PLOD1: variants seen among roughly 807,000 people sequenced by gnomAD.
PLOD1 encodes the protein procollagen-lysine,2-oxoglutarate 5-dioxygenase 1.
PLOD1 carries 70 observed loss-of-function variants against 94.7 expected under a neutral mutation model. That is an observed-to-expected ratio of 0.74 (90% CI 0.61 to 0.90). The LOEUF (loss-of-function observed/expected upper bound fraction) is 0.90. PLOD1 is among the 40% of genes least tolerant of loss of function. The pLI is 0.00. For synonymous variants in PLOD1, 417 were observed against 400.2 expected (o/e 1.04, Z -0.50); for missense variants, 905 against 972.7 (o/e 0.93, Z 0.93).
intron 14 of PLOD1, 82 bp downstream of exon 14, chr1:11,965,675 C>A: frequency 1.2e-6 from 1 of 864,868 alleles, no homozygotes; most frequent in Non-Finnish European, 1.9e-6. Flanking sequence ...CTCTCAGAGT[C>A]TTACAACAGC....
At chr1:11,941,776 G>A (rs1033420967) in intron 1 of PLOD1, among the ~76,000 whole-genome samples, 2 of 152,104 alleles carry the variant, frequency 1.3e-5, no homozygotes, top group South Asian at 2.1e-4. Flanking sequence ...GAGCCACCGC[G>A]CCCGGACTAG....
chr1:11,972,645 G>C lies in PLOD1; in HGVS notation c.1903-227G>C. The C allele has an allele frequency of 2.3e-6, 1 of 437,796 alleles. No individual in the cohort carries two copies. The highest frequency in any genetic ancestry group is 4.2e-6 in the Non-Finnish European group (1 of 240,148). The allele number at this position is 437,796 out of a possible 1,614,324, so 27.1% of individuals were successfully genotyped here. A position where few individuals can be genotyped will look rare whatever the true frequency, so the allele number is the denominator to read the frequency against. On this transcript the variant is annotated intron_variant, in intron 17 of 18. Transcript: ENST00000196061. This position sits in a 1 kb window ranked among gnomAD's most constrained non-coding sequence, Gnocchi z 4.6. ...TCCCTTCCTTTCTTCCTTCCCCTCTGTTCTCTTCCTTCCCTCCCTCTCTCC... is the reference window on the plus strand; with the variant it reads ...TCCCTTCCTTTCTTCCTTCCCCTCTCTTCTCTTCCTTCCCTCCCTCTCTCC...
chr1:11,955,005 C>A, intron 6 of PLOD1, 112 bp downstream of exon 6: 3 of 828,612 alleles, frequency 3.6e-6, no homozygotes, highest in South Asian at 1.5e-5. Context: ...GGCCATTGTG[C>A]TGAGAGGTCA....
At chr1:11,954,971 AGGAGAAATG>A in intron 6 of PLOD1, 78 bp downstream of exon 6, 6 of 1,141,338 alleles carry the variant, frequency 5.3e-6, no homozygotes, top group Non-Finnish European at 8.0e-6. Context: ...GAGCCCAGGG[AGGAGAAATG>A]GGCTGCTTCT....
intron 1 of PLOD1, among the ~76,000 whole-genome samples, chr1:11,942,676 G>A (rs193128114): frequency 4.6e-5 from 7 of 152,286 alleles, no homozygotes; most frequent in Non-Finnish European, 8.8e-5. Context: ...GTTGTGAACC[G>A]CCTCCCAGAC....
chr1:11,974,739 G>T lies in PLOD1; in HGVS notation c.2115G>T (p.Thr705=). 1 of 1,613,884 alleles carries T rather than the reference G, an allele frequency of 6.2e-7. No homozygotes were observed. The highest frequency in any genetic ancestry group is 8.5e-7 in the Non-Finnish European group (1 of 1,179,802). The change falls in exon 19 of 19, where the codon ACG becomes ACT. Residue 705 remains threonine, a synonymous_variant. Coordinates refer to ENST00000196061, the MANE Select transcript of PLOD1 (RefSeq NM_000302.4). ...GWTLMHPGRL[T]HYHEGLPTTR... ...CCCTCATGCACCCTGGACGACTCACGCATTACCATGAGGGGCTCCCCACCA... is the reference window on the plus strand; with the variant it reads ...CCCTCATGCACCCTGGACGACTCACTCATTACCATGAGGGGCTCCCCACCA...
chr1:11,970,720 C>T lies in PLOD1; in HGVS notation c.1806C>T (p.His602=), dbSNP rs546775471. ...GYENVPTIDI[H]MNQIGFEREW... ...AGAACGTGCCGACTATTGACATCCA[C>T]ATGAACCAGATCGGCTTTGAGCGGG... Residue 602 remains histidine (H), a synonymous_variant, in exon 17 of 19, where the codon CAC becomes CAT. Transcript: ENST00000196061. The T allele has an allele frequency of 6.2e-7, 1 of 1,612,994 alleles. No individual in the cohort carries two copies. Among genetic ancestry groups the T allele is most frequent in the East Asian group, 2.2e-5 (1 of 44,728 alleles).
At position 11,964,981 on chromosome 1, in the gene PLOD1, G is replaced by A. The variant is rs150192846; in HGVS notation, c.1470+196G>A. 3.5e-3 allele frequency among the ~76,000 whole-genome samples: 527 copies of A among 152,288 alleles called. 3 individuals carry two copies. The highest frequency in any genetic ancestry group is 0.012 in the African/African-American group (502 of 41,566). On this transcript the variant is annotated intron_variant, in intron 13 of 18. Coordinates refer to ENST00000196061, the MANE Select transcript of PLOD1 (RefSeq NM_000302.4). Reference sequence around the variant, plus strand: ...CGTCGGGCACGAGGGCTGGTCCTCAGGGGTCTGCAGGGACCATTTTAGCTG... The same window carrying A: ...CGTCGGGCACGAGGGCTGGTCCTCAAGGGTCTGCAGGGACCATTTTAGCTG...
At chr1:11,943,982 A>C (rs1645632151) in intron 1 of PLOD1, among the ~76,000 whole-genome samples, 1 of 152,154 alleles carries the variant, frequency 6.6e-6, no homozygotes, top group Non-Finnish European at 1.5e-5. Flanking sequence ...CCTGTAATCC[A>C]GCACTTTGGG....
rs1281597059 is a variant in PLOD1 at position 11,958,355 on chromosome 1, C to T, written c.844-161C>T. Reference sequence around the variant, plus strand: ...GGGCACCCTCCTGCTGCTTCCCTGCCCCCCCGTACCCCCTGACTGGAGTTC... The same window carrying T: ...GGGCACCCTCCTGCTGCTTCCCTGCTCCCCCGTACCCCCTGACTGGAGTTC... On this transcript the variant is annotated intron_variant, in intron 8 of 18. Transcript: ENST00000196061. The surrounding 1 kb of genome is among the most constrained non-coding windows in gnomAD (Gnocchi z 4.3). 6.6e-6 allele frequency among the ~76,000 whole-genome samples: 1 copy of T among 152,044 alleles called. No individual in the cohort carries two copies. The highest frequency in any genetic ancestry group is 2.4e-5 in the African/African-American group (1 of 41,382).
At position 11,974,972 on chromosome 1, in the gene PLOD1, G is replaced by C. The variant is rs1645894062; in HGVS notation, c.*164G>C. ...AAAGAGATTCAAAGAGATTCCTGCA[G>C]GCCAGAGGCGGAACACACCTTTATG... is the stretch of plus-strand genomic sequence containing the variant. On this transcript the variant is annotated 3_prime_UTR_variant, in exon 19 of 19. Coordinates refer to ENST00000196061, the MANE Select transcript of PLOD1 (RefSeq NM_000302.4). 1 of 748,348 alleles carries C rather than the reference G, an allele frequency of 1.3e-6. No homozygotes were observed. Among genetic ancestry groups the C allele is most frequent in the Non-Finnish European group, 2.4e-6 (1 of 417,124 alleles). The allele number at this position is 748,348 out of a possible 1,614,324, so 46.4% of individuals were successfully genotyped here. A position where few individuals can be genotyped will look rare whatever the true frequency, so the allele number is the denominator to read the frequency against.
At chr1:11,973,108 G>T in intron 18 of PLOD1, 111 bp downstream of exon 18, 5 of 1,167,818 alleles carry the variant, frequency 4.3e-6, no homozygotes. Context: ...ACCAGTGCCA[G>T]AGAACCAGAA....
At chr1:11,941,674 G>A (rs1039156425) in intron 1 of PLOD1, among the ~76,000 whole-genome samples, 2 of 152,082 alleles carry the variant, frequency 1.3e-5, no homozygotes, top group Admixed American at 6.6e-5. Context: ...AGTAGAGACG[G>A]GGTTTCATCA....
At chr1:11,952,534 T>C (rs1201689357) in intron 4 of PLOD1, 89 bp from the exon 5 acceptor site, 1 of 892,602 alleles carries the variant, frequency 1.1e-6, no homozygotes, top group Admixed American at 1.8e-5. Context: ...TGAGTGGAGG[T>C]GGATAAGAGG....
intron 1 of PLOD1, chr1:11,944,685 CA>C (rs1449255765): frequency 7.6e-7 from 1 of 1,316,946 alleles, no homozygotes; most frequent in African/African-American, 1.5e-5. Flanking sequence ...CTCCTTCCCA[CA>C]CCTGCCTGGT....
intron 12 of PLOD1, among the ~76,000 whole-genome samples, 157 bp from the exon 13 acceptor site, chr1:11,964,487 G>A (rs1002272021): frequency 3.9e-5 from 6 of 151,992 alleles, no homozygotes; most frequent in East Asian, 1.9e-4. Flanking sequence ...TGTCCAGGGC[G>A]GGGGAATCAA....
At position 11,950,351 on chromosome 1, in the gene PLOD1, C is replaced by T. The variant is rs2100744004; in HGVS notation, c.303-6C>T. On this transcript the variant is annotated splice_polypyrimidine_tract_variant and splice_region_variant and intron_variant, in intron 3 of 18. Coordinates refer to ENST00000196061, the MANE Select transcript of PLOD1 (RefSeq NM_000302.4). ...CTGCTCCGTCTTCTCGCTGCTCTGG[C>T]CACAGCTATGACGTGCTGTTTGCAT... 6.2e-7 allele frequency: 1 copy of T among 1,613,972 alleles called. No individual in the cohort carries two copies. Among genetic ancestry groups the T allele is most frequent in the South Asian group, 1.1e-5 (1 of 91,078 alleles).
At chr1:11,943,984 C>G (rs1645632217) in intron 1 of PLOD1, among the ~76,000 whole-genome samples, 1 of 152,124 alleles carries the variant, frequency 6.6e-6, no homozygotes, top group Non-Finnish European at 1.5e-5. Context: ...TGTAATCCAG[C>G]ACTTTGGGAA....
chr1:11,953,594 C>A (rs1645718330), intron 5 of PLOD1, among the ~76,000 whole-genome samples: 1 of 151,486 alleles, frequency 6.6e-6, no homozygotes, highest in Admixed American at 6.6e-5. Context: ...GAGTTTGAGA[C>A]CAGCCTGGCC....
Sources: gnomAD v4.1 joint callset for allele counts (sites outside exome capture counted in the v4.1 genomes callset) on GRCh38, gnomAD v4.1.1 for gene constraint, Gnocchi (gnomAD v3.1) non-coding constraint, MANE v1.5 for transcripts, NCBI Gene and HGNC (gene_info 2026-07-23, HGNC 2026-07-21) for gene names.